Variants in CUBN observed in about 807,000 individuals in gnomAD.
The protein encoded by CUBN is cubilin.
In CUBN, 282 loss-of-function variants were observed where a neutral mutation model predicts 405.3. The observed-to-expected ratio is 0.70, with a 90% CI of 0.63 to 0.77. The LOEUF is 0.77. Ranked by LOEUF, CUBN falls within the 30% of genes least tolerant of loss-of-function variation. The probability of loss-of-function intolerance (pLI) is 0.00; values close to 1 mark genes in which losing one functional copy is unlikely to be tolerated. For missense variants in CUBN, 4,514 were observed against 4,475.2 expected, an observed-to-expected ratio of 1.01 and a Z score of -0.25; for synonymous variants, 1,684 against 1,617.0, an observed-to-expected ratio of 1.04 and a Z score of -0.99.
At chr10:17,092,096 G>A (rs1054342126) in intron 14 of CUBN, among the ~76,000 whole-genome samples, 3 of 152,130 alleles carry the variant, frequency 2.0e-5, no homozygotes, top group African/African-American at 7.2e-5. Flanking sequence ...ACGATACGGA[G>A]AAAACCCCTG....
At position 16,913,972 on chromosome 10, in the gene CUBN, C is replaced by T; in HGVS notation, c.7372G>A (p.Gly2458Ser). The change falls in exon 48 of 67, where the codon GGC (glycine) becomes AGC (serine). Residue 2458 changes from glycine (G) to serine (S), a missense_variant. Around this residue, in one of 5 missense-constraint regions of CUBN, gnomAD observed 1,613 missense variants for 1,542.8 expected, o/e 1.05. Transcript: ENST00000377833. The part of the protein sequence containing the change: ...SMEECGGDLQ[G>S]SIGTFTSPNY... ...GGAGAAGTAAATGTTCCAATAGAGC[C>T]CTGAAGATCCCCACCACACTCTGAC... 1.9e-6 allele frequency: 3 copies of T among 1,613,904 alleles called. No homozygotes were observed. The highest frequency in any genetic ancestry group is 1.6e-4 in the Middle Eastern group (1 of 6,062).
intron 30 of CUBN, 27 bp from the exon 31 acceptor site, chr10:16,982,680 A>G (rs779683853): frequency 6.3e-7 from 1 of 1,597,652 alleles, no homozygotes; most frequent in Non-Finnish European, 8.6e-7. Flanking sequence ...CAATTATTTC[A>G]TGAGAGGAAT....
chr10:16,983,844 T>C (rs1833346011), intron 30 of CUBN, among the ~76,000 whole-genome samples: 1 of 152,110 alleles, frequency 6.6e-6, no homozygotes, highest in Non-Finnish European at 1.5e-5. Context: ...CCTTGGAGAG[T>C]GGGTCTGGCC....
chr10:17,059,646 T>C (rs1835460878), intron 22 of CUBN, among the ~76,000 whole-genome samples: 1 of 152,222 alleles, frequency 6.6e-6, no homozygotes, highest in Admixed American at 6.5e-5. Context: ...TTTAGCATCC[T>C]TCAAAGTGAA....
intron 6 of CUBN, among the ~76,000 whole-genome samples, chr10:17,121,308 T>A (rs1455362690): frequency 1.3e-5 from 2 of 152,116 alleles, no homozygotes; most frequent in Non-Finnish European, 2.9e-5. Context: ...GGTTTGTGAC[T>A]GCATTTTTAG....
At chr10:16,941,031 T>C (rs1348048146) in intron 36 of CUBN, among the ~76,000 whole-genome samples, 1 of 152,234 alleles carries the variant, frequency 6.6e-6, no homozygotes, top group Non-Finnish European at 1.5e-5. Flanking sequence ...CTACCTCATA[T>C]GATGTTCATA....
rs368697251 is a variant in CUBN at position 16,851,374 on chromosome 10, G to A, written c.9524C>T (p.Ser3175Leu). Residue 3175 changes from serine (S) to leucine (L), a missense_variant, in exon 60 of 67, where the codon TCG (serine) becomes TTG (leucine). Physicochemically the swap from Ser to Leu is moderately radical, Grantham distance 145. Coordinates refer to ENST00000377833, the MANE Select transcript of CUBN (RefSeq NM_001081.4). ...TAAATTCTTGTCATACATTCCATTCGAATCAGAATCAGGAGAGGCAAAGGT... is the reference window on the plus strand; with the variant it reads ...TAAATTCTTGTCATACATTCCATTCAAATCAGAATCAGGAGAGGCAAAGGT... ...NNTFASPDSDSNGMYDKNLNC... is the reference protein window; with the variant it reads ...NNTFASPDSDLNGMYDKNLNC... 19 of 1,614,064 alleles carry A rather than the reference G, an allele frequency of 1.2e-5. No homozygotes were observed. The highest frequency in any genetic ancestry group is 2.2e-5 in the East Asian group (1 of 44,874).
At chr10:17,106,329 A>C (rs1487011056) in intron 10 of CUBN, among the ~76,000 whole-genome samples, 1 of 149,438 alleles carries the variant, frequency 6.7e-6, no homozygotes, top group Non-Finnish European at 1.5e-5. Flanking sequence ...ACTAATAAAG[A>C]GCCCTATGGA....
rs545811151 is a variant in CUBN, at chr10:17,111,020, T to C, written c.914A>G (p.Asp305Gly). ...GTTATTTATCTCACATTCATTGATA[T>C]CTTCGCAAATATATCCATTGCCTTG... The part of the protein sequence containing the change: ...GWQGNGYICE[D>G]INECEINNGG... The change falls in exon 9 of 67, where the codon GAT becomes GGT. Residue 305 changes from aspartate to glycine, a missense_variant. Physicochemically the swap from Asp to Gly is moderately conservative, Grantham distance 94. This residue lies in a region of CUBN where 1,448 missense variants were observed against 1,388.0 expected (regional missense o/e 1.04). Transcript: ENST00000377833. The C allele has an allele frequency of 6.2e-7, 1 of 1,614,200 alleles. No homozygotes were observed. Among genetic ancestry groups the C allele is most frequent in the African/African-American group, 1.3e-5 (1 of 75,046 alleles).
chr10:17,113,952 A>G, intron 8 of CUBN, 75 bp downstream of exon 8: 1 of 1,423,312 alleles, frequency 7.0e-7, no homozygotes, highest in Non-Finnish European at 9.8e-7. Flanking sequence ...TTACTCATCA[A>G]TAGTGAAAGA....
intron 56 of CUBN, among the ~76,000 whole-genome samples, chr10:16,881,286 T>C (rs1282151395): frequency 6.6e-6 from 1 of 152,216 alleles, no homozygotes; most frequent in Non-Finnish European, 1.5e-5. Flanking sequence ...ATATAAATGA[T>C]CACAGTGGCA....
chr10:17,065,421 G>C lies in CUBN; in HGVS notation c.3139+87C>G, dbSNP rs137931656. 2.6e-6 allele frequency: 4 copies of C among 1,534,684 alleles called. No individual in the cohort carries two copies. In the East Asian group the frequency reaches 9.1e-5, roughly 35 times the overall value. On this transcript the variant is annotated intron_variant, in intron 22 of 66. Coordinates refer to ENST00000377833, the MANE Select transcript of CUBN (RefSeq NM_001081.4). ...CTCTCATTGTGTGCCACAGGTTTGC[G>C]GATGATGTATTCTCATTGTGTTTTA...
intron 54 of CUBN, 50 bp from the exon 55 acceptor site, chr10:16,890,577 A>T (rs1840976856): frequency 6.3e-7 from 1 of 1,596,720 alleles, no homozygotes; most frequent in Admixed American, 1.7e-5. Flanking sequence ...TCCCATCAAT[A>T]TTTTAATGCA....
chr10:16,945,273 AT>A (rs1842745005), intron 36 of CUBN, among the ~76,000 whole-genome samples: 1 of 152,156 alleles, frequency 6.6e-6, no homozygotes, highest in East Asian at 1.9e-4. Flanking sequence ...TTTGGATTTT[AT>A]TCTAAGGACA....
intron 59 of CUBN, among the ~76,000 whole-genome samples, chr10:16,851,942 C>T (rs1405711903): frequency 3.8e-5 from 5 of 130,044 alleles, no homozygotes; most frequent in Admixed American, 1.5e-4. Flanking sequence ...CTTTCCCTCC[C>T]TCCATCTTTC....
At chr10:16,881,726 A>G (rs1171478692) in intron 56 of CUBN, among the ~76,000 whole-genome samples, 2 of 152,254 alleles carry the variant, frequency 1.3e-5, no homozygotes, top group East Asian at 3.8e-4. Context: ...ATTCTCTCCA[A>G]AAGAAATCAA....
intron 22 of CUBN, among the ~76,000 whole-genome samples, chr10:17,061,622 C>G (rs1305544322): frequency 6.6e-6 from 1 of 152,164 alleles, no homozygotes; most frequent in African/African-American, 2.4e-5. Context: ...CACTAACCAC[C>G]CACTGATGAG....
At chr10:17,115,420 G>T in intron 7 of CUBN, 51 bp downstream of exon 7, 1 of 1,610,878 alleles carries the variant, frequency 6.2e-7, no homozygotes, top group Non-Finnish European at 8.5e-7. Flanking sequence ...AGGAGGAGGA[G>T]CTACTAACCA....
chr10:16,923,943 A>G (rs1842111534), intron 43 of CUBN, among the ~76,000 whole-genome samples: 1 of 152,094 alleles, frequency 6.6e-6, no homozygotes, highest in Non-Finnish European at 1.5e-5. Flanking sequence ...ATGATGGTGC[A>G]TGCCTATAAT....
Sources: allele counts gnomAD v4.1 joint callset (sites outside exome capture counted in the v4.1 genomes callset), GRCh38; gene constraint gnomAD v4.1.1; regional missense constraint gnomAD v4.1.1; transcripts MANE v1.5; gene names NCBI Gene and HGNC (gene_info 2026-07-23, HGNC 2026-07-21).